The following USP32 variants were observed in gnomAD, a reference collection of about 807,000 sequenced individuals.
USP32 encodes the protein ubiquitin specific peptidase 32, also known as ubiquitin carboxyl-terminal hydrolase 32.
Under a neutral mutation model 204.8 loss-of-function variants are expected in USP32, and 59 were observed. That is an observed-to-expected ratio of 0.29 (90% CI 0.23 to 0.36). The LOEUF is 0.36. Ranked by LOEUF, USP32 falls within the 10% of genes least tolerant of loss-of-function variation. The pLI, the probability that USP32 is intolerant of heterozygous loss-of-function variation, is 1.00. For missense variants in USP32, 1,160 were observed against 1,946.4 expected (o/e 0.60, Z 7.60); for synonymous variants, 517 against 678.4 (o/e 0.76, Z 3.70).
chr17:60,206,412 G>C (rs1381917445), intron 25 of USP32, among the ~76,000 whole-genome samples: 2 of 149,464 alleles, frequency 1.3e-5, no homozygotes, highest in Non-Finnish European at 2.9e-5. Flanking sequence ...GTGACTGGTG[G>C]ATACTGTATT....
chr17:60,242,969 T>C (rs1397558872), intron 11 of USP32, among the ~76,000 whole-genome samples: 1 of 152,220 alleles, frequency 6.6e-6, no homozygotes, highest in Admixed American at 6.5e-5. Flanking sequence ...TTTGAGAAAA[T>C]TGCCATATTG....
chr17:60,285,878 T>G (rs557592766), intron 5 of USP32, among the ~76,000 whole-genome samples: 1 of 152,290 alleles, frequency 6.6e-6, no homozygotes, highest in South Asian at 2.1e-4. Context: ...GGCTCACGCC[T>G]GTAATCCCAG....
At chr17:60,211,635 A>G in intron 19 of USP32, 121 bp from the exon 20 acceptor site, 1 of 1,418,462 alleles carries the variant, frequency 7.0e-7, no homozygotes, top group Non-Finnish European at 9.4e-7. Context: ...TGGTGCTAAT[A>G]ATTCTCTAGC....
intron 15 of USP32, among the ~76,000 whole-genome samples, 158 bp from the exon 16 acceptor site, chr17:60,219,945 T>C (rs2145558602): frequency 6.6e-6 from 1 of 151,768 alleles, no homozygotes. Flanking sequence ...GTTACATGGA[T>C]CTGATTACTG....
At chr17:60,411,785 A>G (rs2143083883) in intron 1 of USP32, among the ~76,000 whole-genome samples, 1 of 152,200 alleles carries the variant, frequency 6.6e-6, no homozygotes, top group East Asian at 1.9e-4. Flanking sequence ...AGAGTTTTTA[A>G]GATTCATTTA....
rs2086392911 is a variant in USP32, at chr17:60,259,238, G to T, written c.991-3980C>A. Among the ~76,000 whole-genome samples, 3 of 152,084 alleles carry T rather than the reference G, an allele frequency of 2.0e-5. No homozygotes were observed. The South Asian group carries it at 6.2e-4, about 32-fold the overall frequency. ...ACACTGAGAAGATAAAGACCAACCT[G>T]CGGTCTCTTTAGTTTACTAGAAATA... On this transcript the variant is annotated intron_variant, in intron 9 of 33. Transcript: ENST00000300896.
intron 5 of USP32, among the ~76,000 whole-genome samples, chr17:60,283,501 C>T (rs2087024660): frequency 6.6e-6 from 1 of 151,978 alleles, no homozygotes; most frequent in African/African-American, 2.4e-5. Context: ...AGATAAGAAA[C>T]TTATAATGAT....
upstream of USP32, among the ~76,000 whole-genome samples, chr17:60,393,588 C>T (rs184727438): frequency 6.6e-6 from 1 of 152,004 alleles, no homozygotes; most frequent in East Asian, 1.9e-4. Flanking sequence ...CCCAAGGTGC[C>T]GGTTAGGTAA....
chr17:60,336,665 G>A (rs1324776459), intron 2 of USP32, among the ~76,000 whole-genome samples: 3 of 141,666 alleles, frequency 2.1e-5, no homozygotes, highest in South Asian at 4.4e-4. Flanking sequence ...GCAGTGAGCC[G>A]AGATCCCGCC....
intron 1 of USP32, among the ~76,000 whole-genome samples, chr17:60,412,453 T>A (rs922573362): frequency 6.6e-5 from 10 of 151,426 alleles, no homozygotes; most frequent in African/African-American, 2.4e-4. Context: ...GAAGATCACC[T>A]GAGTCTGAGA....
intron 12 of USP32, among the ~76,000 whole-genome samples, chr17:60,230,577 CT>C: frequency 6.6e-6 from 1 of 152,280 alleles, no homozygotes; most frequent in East Asian, 1.9e-4. Flanking sequence ...AGAATATGGG[CT>C]TTTCTTTGCT....
chr17:60,403,006 T>A (rs1191993268), intron 1 of USP32, among the ~76,000 whole-genome samples: 2 of 151,338 alleles, frequency 1.3e-5, no homozygotes, highest in Non-Finnish European at 3.0e-5. Flanking sequence ...AGTGGGCGGG[T>A]AAGCCGTATC....
intron 9 of USP32, among the ~76,000 whole-genome samples, chr17:60,262,273 C>T (rs905760014): frequency 6.6e-6 from 1 of 152,150 alleles, no homozygotes; most frequent in Non-Finnish European, 1.5e-5. Flanking sequence ...CTCACTGCAA[C>T]CTCCGCCTCC....
chr17:60,349,622 TATTATA>T (rs1243251591), intron 1 of USP32, among the ~76,000 whole-genome samples: 28 of 66,676 alleles, frequency 4.2e-4, no homozygotes, highest in African/African-American at 1.3e-3. Context: ...TATATATATA[TATTATA>T]TATATATATA....
intron 5 of USP32, among the ~76,000 whole-genome samples, chr17:60,282,592 TC>T (rs1348644484): frequency 2.0e-5 from 3 of 152,186 alleles, no homozygotes; most frequent in African/African-American, 7.2e-5. Flanking sequence ...GACCTCGTGA[TC>T]CACCCATCTC....
chr17:60,394,975 C>T (rs1016456729), upstream of USP32, among the ~76,000 whole-genome samples: 3 of 152,128 alleles, frequency 2.0e-5, no homozygotes, highest in African/African-American at 7.2e-5. Context: ...AACTCCTGAC[C>T]TGAGGTGATC....
rs1478869352 is a variant in USP32, at chr17:60,219,813, A to G, written c.1750-26T>C. On this transcript the variant is annotated intron_variant, in intron 15 of 33. Coordinates refer to ENST00000300896, the MANE Select transcript of USP32 (RefSeq NM_032582.4). ...CTATTGTTTTAAAAGATAAAAAGAG[A>G]TCACTAAAAAAAGAAACAAAACTTG... 3 of 1,579,424 alleles carry G rather than the reference A, an allele frequency of 1.9e-6. No individual in the cohort carries two copies. In the African/African-American group the frequency reaches 4.1e-5, roughly 22 times the overall value.
At chr17:60,311,076 T>C (rs1019951838) in intron 2 of USP32, among the ~76,000 whole-genome samples, 6 of 152,162 alleles carry the variant, frequency 3.9e-5, no homozygotes, top group African/African-American at 1.2e-4. Context: ...AAATAAAATG[T>C]AGTGTTAGTA....
chr17:60,211,909 C>T lies in USP32; in HGVS notation c.2179+115G>A. 4.9e-6 allele frequency: 4 copies of T among 821,658 alleles called. No homozygotes were observed. In the South Asian group the frequency reaches 7.9e-5, roughly 16 times the overall value. The allele number at this position is 821,658 out of a possible 1,614,324, so 50.9% of individuals were successfully genotyped here. On this transcript the variant is annotated intron_variant, in intron 19 of 33. Transcript: ENST00000300896. ...CAGGAAAAAAGAAAAAGAAGAAGGC[C>T]CTAATTACTTTTGAACTAGAAAACC...
Sources: allele counts gnomAD v4.1 joint callset (sites outside exome capture counted in the v4.1 genomes callset), GRCh38; gene constraint gnomAD v4.1.1; transcripts MANE v1.5; gene names NCBI Gene and HGNC (gene_info 2026-07-23, HGNC 2026-07-21).